Variants in TANK observed in about 807,000 individuals in gnomAD.
TANK encodes the protein TRAF family member associated NFKB activator.
Under a neutral mutation model 43.6 loss-of-function variants are expected in TANK, and 15 were observed. That is an observed-to-expected ratio of 0.34 (90% CI 0.23 to 0.53). TANK has a LOEUF of 0.53. TANK is among the 20% of genes least tolerant of loss of function. The pLI, the probability that TANK is intolerant of heterozygous loss-of-function variation, is 0.94. For missense variants in TANK, 417 were observed against 498.6 expected (o/e 0.84, Z 1.56); for synonymous variants, 162 against 178.2 (o/e 0.91, Z 0.73).
chr2:161,217,584 T>TG (rs1687170474), intron 4 of TANK, among the ~76,000 whole-genome samples: 4 of 136,824 alleles, frequency 2.9e-5, no homozygotes, highest in Non-Finnish European at 6.3e-5. Flanking sequence ...AGGTAGTTGG[T>TG]TTGTGTGTGT....
chr2:161,202,961 C>T (rs934052990), intron 2 of TANK: 1 of 405,044 alleles, frequency 2.5e-6, no homozygotes, highest in African/African-American at 2.2e-5. Flanking sequence ...TTTCTTAAAA[C>T]TTAGTGGAGA....
At chr2:161,230,672 C>T (rs1687865091) in intron 6 of TANK, among the ~76,000 whole-genome samples, 1 of 152,198 alleles carries the variant, frequency 6.6e-6, no homozygotes, top group Non-Finnish European at 1.5e-5. Context: ...GTATACACTA[C>T]AAGCAAATGT....
chr2:161,221,484 C>G (rs1286343615), intron 4 of TANK, among the ~76,000 whole-genome samples: 1 of 152,066 alleles, frequency 6.6e-6, no homozygotes, highest in African/African-American at 2.4e-5. Flanking sequence ...ACAAAAAAGT[C>G]TGAGTTTCTG....
At chr2:161,149,744 GT>G (rs60129646) in intron 1 of TANK, among the ~76,000 whole-genome samples, 113,249 of 143,746 alleles carry the variant, frequency 0.79, 44,484 homozygotes, top group East Asian at 0.96. Context: ...AATCATGTGG[GT>G]TTTTTTTTTT....
intron 6 of TANK, among the ~76,000 whole-genome samples, chr2:161,226,707 C>T (rs1398437915): frequency 1.3e-5 from 2 of 151,956 alleles, no homozygotes; most frequent in Admixed American, 1.3e-4. Context: ...TTTTTCTACT[C>T]ATCTACATAT....
chr2:161,143,030 T>C (rs1018833327), intron 1 of TANK, among the ~76,000 whole-genome samples: 1 of 152,118 alleles, frequency 6.6e-6, no homozygotes, highest in African/African-American at 2.4e-5. Flanking sequence ...TCTGAAGAGG[T>C]CCTTCACATC....
Position 161,222,186 on chromosome 2 carries a change from A to G in TANK, c.328-1729A>G, listed in dbSNP as rs1454283054. ...TCAGGACTTTGGAATTTGGAGCACTATCTTTACCACTTTCTGTAACTATCT... is the reference window on the plus strand; with the variant it reads ...TCAGGACTTTGGAATTTGGAGCACTGTCTTTACCACTTTCTGTAACTATCT... On this transcript the variant is annotated intron_variant, in intron 4 of 7. Coordinates refer to ENST00000392749, the MANE Select transcript of TANK (RefSeq NM_001199135.3). Among the ~76,000 whole-genome samples the G allele has an allele frequency of 7.2e-5, 11 of 152,046 alleles. No homozygotes were observed. In the South Asian group the frequency reaches 1.2e-3, roughly 17 times the overall value.
At chr2:161,180,742 A>T (rs1431499381) in intron 2 of TANK, among the ~76,000 whole-genome samples, 1 of 152,174 alleles carries the variant, frequency 6.6e-6, no homozygotes, top group Non-Finnish European at 1.5e-5. Context: ...TTACAGTGAC[A>T]TAGTAAAGAT....
At chr2:161,201,795 G>C (rs1686425365) in intron 2 of TANK, among the ~76,000 whole-genome samples, 1 of 152,094 alleles carries the variant, frequency 6.6e-6, no homozygotes, top group Non-Finnish European at 1.5e-5. Context: ...ATTTATACAG[G>C]AATAAGATGT....
chr2:161,222,444 T>C (rs919698366), intron 4 of TANK, among the ~76,000 whole-genome samples: 1 of 152,126 alleles, frequency 6.6e-6, no homozygotes, highest in Admixed American at 6.5e-5. Context: ...TTTGTTGATA[T>C]AGACTTAATA....
At chr2:161,201,535 A>G (rs1202896551) in intron 2 of TANK, among the ~76,000 whole-genome samples, 1 of 152,190 alleles carries the variant, frequency 6.6e-6, no homozygotes, top group East Asian at 1.9e-4. Flanking sequence ...AGTATAATGT[A>G]TATACCTATC....
rs78238003 is a variant in TANK at position 161,144,016 on chromosome 2, C to T, written c.-50+6953C>T. 9.1e-3 allele frequency among the ~76,000 whole-genome samples: 1,384 copies of T among 151,382 alleles called. 11 individuals are homozygous for T. The highest frequency in any genetic ancestry group is 9.9e-3 in the Non-Finnish European group (669 of 67,464). On this transcript the variant is annotated intron_variant, in intron 1 of 7. Coordinates refer to the TANK transcript ENST00000259075. Reference sequence around the variant, plus strand: ...ACTTGTTATTGGTCTATTCAAGTATCACTTCTTTCTGGTTTAGTCTTGGGA... The same window carrying T: ...ACTTGTTATTGGTCTATTCAAGTATTACTTCTTTCTGGTTTAGTCTTGGGA...
chr2:161,204,677 A>G lies in TANK; in HGVS notation c.211A>G (p.Asn71Asp). Residue 71 changes from asparagine (N) to aspartate (D), a missense_variant and splice_region_variant, in exon 4 of 8, where the codon AAC becomes GAC. Coordinates refer to ENST00000392749, the MANE Select transcript of TANK (RefSeq NM_001199135.3). ...QLLLVNSTQD[N>D]NYGCVPLLED... Reference sequence around the variant, plus strand: ...TCCAAGAGGTTTTTGTCTTGCAGATAACAATTATGGCTGTGTTCCTCTGCT... The same window carrying G: ...TCCAAGAGGTTTTTGTCTTGCAGATGACAATTATGGCTGTGTTCCTCTGCT... The G allele has an allele frequency of 6.2e-7, 1 of 1,605,428 alleles. No homozygotes were observed.
intron 2 of TANK, among the ~76,000 whole-genome samples, chr2:161,180,902 G>GTTT (rs35730859): frequency 7.4e-6 from 1 of 135,680 alleles, no homozygotes; most frequent in Non-Finnish European, 1.6e-5. Flanking sequence ...AGAGTTCAGG[G>GTTT]TTTTTTTTTT....
chr2:161,200,720 AG>A (rs1299443991), intron 2 of TANK: 5 of 200,200 alleles, frequency 2.5e-5, no homozygotes, highest in Non-Finnish European at 4.4e-5. Context: ...GTGTTTCTAG[AG>A]AAATATAAGC....
chr2:161,231,603 C>T, intron 7 of TANK, 52 bp downstream of exon 7: 2 of 1,503,452 alleles, frequency 1.3e-6, no homozygotes, highest in Non-Finnish European at 1.8e-6. Context: ...ACACATTTTG[C>T]CATACATGCA....
At chr2:161,216,327 TC>T (rs1687114960) in intron 4 of TANK, 1 of 455,924 alleles carries the variant, frequency 2.2e-6, no homozygotes, top group South Asian at 1.6e-5. Flanking sequence ...CTCCTTGCTT[TC>T]CTTCTTGCTT....
intron 7 of TANK, among the ~76,000 whole-genome samples, chr2:161,232,355 A>G (rs1185257888): frequency 6.6e-6 from 1 of 152,222 alleles, no homozygotes; most frequent in Non-Finnish European, 1.5e-5. Flanking sequence ...TGTAACTTGC[A>G]AACATTTGTC....
At chr2:161,160,243 C>T (rs1230447913), upstream of TANK, 3 of 315,796 alleles carry the variant, frequency 9.5e-6, no homozygotes, top group Non-Finnish European at 5.1e-6. Context: ...GAGGCGGGGA[C>T]TTGGCTGGGC....
Sources: allele counts gnomAD v4.1 joint callset (sites outside exome capture counted in the v4.1 genomes callset), GRCh38; gene constraint gnomAD v4.1.1; transcripts MANE v1.5; gene names NCBI Gene and HGNC (gene_info 2026-07-23, HGNC 2026-07-21).